FMN1: variants seen among roughly 807,000 people sequenced by gnomAD.
FMN1 encodes the protein formin 1.
A neutral mutation model predicts 132.4 loss-of-function variants in FMN1; 110 were observed. That is an observed-to-expected ratio of 0.83 (90% CI 0.71 to 0.97). FMN1 has a LOEUF of 0.97. Ranked by LOEUF, FMN1 falls within the 50% of genes least tolerant of loss-of-function variation. The pLI, the probability that FMN1 is intolerant of heterozygous loss-of-function variation, is 0.00. For synonymous variants in FMN1, 722 were observed against 651.7 expected (o/e 1.11, Z -1.64); for missense variants, 1,792 against 1,705.3 (o/e 1.05, Z -0.90).
intron 16 of FMN1, among the ~76,000 whole-genome samples, chr15:32,885,995 C>G (rs2059887460): frequency 6.6e-6 from 1 of 152,034 alleles, no homozygotes; most frequent in African/African-American, 2.4e-5. Context: ...AAATTATGTC[C>G]TCTTCAATTA....
At chr15:33,116,528 A>G (rs1232730629) in intron 4 of FMN1, among the ~76,000 whole-genome samples, 2 of 152,184 alleles carry the variant, frequency 1.3e-5, no homozygotes, top group African/African-American at 2.4e-5. Flanking sequence ...GGCTGATTCA[A>G]GAATCGTTCT....
At position 32,835,962 on chromosome 15, in the gene FMN1, G is replaced by A. The variant is rs1316626389; in HGVS notation, c.3928+21053C>T. On this transcript the variant is annotated intron_variant, in intron 17 of 20. Transcript: ENST00000616417. ...TGCAGCCTCAATCTTCTGGGCTCAA[G>A]TGTTCCTCCCACCTCAGCCTCTCTG... Among the ~76,000 whole-genome samples, 5 of 152,242 alleles carry A rather than the reference G, an allele frequency of 3.3e-5. No homozygotes were observed. The East Asian group carries it at 9.7e-4, about 29-fold the overall frequency.
chr15:33,042,643 G>A (rs1297645117), intron 6 of FMN1, among the ~76,000 whole-genome samples: 1 of 152,192 alleles, frequency 6.6e-6, no homozygotes, highest in East Asian at 1.9e-4. Flanking sequence ...GAGCAAGAGT[G>A]AAGGATTTAG....
At chr15:33,078,021 C>T (rs1342670457) in intron 5 of FMN1, among the ~76,000 whole-genome samples, 2 of 151,732 alleles carry the variant, frequency 1.3e-5, no homozygotes. Flanking sequence ...GAAATAGGAA[C>T]ACCAATTCTT....
chr15:32,924,002 T>C (rs887744610), intron 10 of FMN1, among the ~76,000 whole-genome samples: 4 of 152,200 alleles, frequency 2.6e-5, no homozygotes, highest in Admixed American at 6.5e-5. Flanking sequence ...CTTCAATAAC[T>C]GCTTCAAAAC....
chr15:33,052,385 CAGCATGGACACAACCATG>C (rs1277595645), intron 6 of FMN1, among the ~76,000 whole-genome samples: 1 of 152,212 alleles, frequency 6.6e-6, no homozygotes, highest in Non-Finnish European at 1.5e-5. Context: ...ATGCTGGGTT[CAGCATGGACACAACCATG>C]CAAATACACG....
intron 15 of FMN1, among the ~76,000 whole-genome samples, chr15:32,889,980 T>A (rs1362240559): frequency 2.6e-5 from 4 of 152,194 alleles, no homozygotes; most frequent in Admixed American, 1.3e-4. Context: ...TGCCTTTGCA[T>A]CCTCATAGCT....
At chr15:32,919,291 A>G (rs959939299) in intron 10 of FMN1, among the ~76,000 whole-genome samples, 2 of 152,224 alleles carry the variant, frequency 1.3e-5, no homozygotes, top group African/African-American at 4.8e-5. Flanking sequence ...CAATAGGAAA[A>G]TGGTAGAGCA....
At position 32,770,883 on chromosome 15, in the gene FMN1, C is replaced by A. The variant is rs2056213153; in HGVS notation, c.*3427G>T. On this transcript the variant is annotated 3_prime_UTR_variant, in exon 21 of 21. Transcript: ENST00000616417. ...CAGTGAGTGTGTAGAAAGACACCATCATCAACATAAGGATTCAAAAGGCAA... is the reference window on the plus strand; with the variant it reads ...CAGTGAGTGTGTAGAAAGACACCATAATCAACATAAGGATTCAAAAGGCAA... The A allele has an allele frequency of 6.6e-6, 1 of 152,008 alleles. No individual in the cohort carries two copies. 9.4% of individuals were successfully genotyped at this position (152,008 alleles called of 1,614,324 possible). A position where few individuals can be genotyped will look rare whatever the true frequency, so the allele number is the denominator to read the frequency against.
chr15:33,129,168 C>T (rs138121583), intron 4 of FMN1, among the ~76,000 whole-genome samples: 89 of 152,266 alleles, frequency 5.8e-4, no homozygotes, highest in African/African-American at 2.1e-3. Context: ...CAATGTAACT[C>T]GGAGAAAACA....
chr15:32,872,839 C>CA (rs1341445004), intron 16 of FMN1, among the ~76,000 whole-genome samples: 2 of 151,914 alleles, frequency 1.3e-5, no homozygotes, highest in Non-Finnish European at 2.9e-5. Context: ...GCTGGTTAGT[C>CA]ACATTAACTG....
chr15:33,027,963 C>G (rs1475445550), intron 6 of FMN1, among the ~76,000 whole-genome samples: 2 of 152,182 alleles, frequency 1.3e-5, no homozygotes, highest in African/African-American at 4.8e-5. Flanking sequence ...TTACTAGCAT[C>G]AAAATGAGAA....
At chr15:33,080,544 G>A (rs8033302) in intron 5 of FMN1, among the ~76,000 whole-genome samples, 45,319 of 152,018 alleles carry the variant, frequency 0.3, 7,510 homozygotes, top group Admixed American at 0.37. Context: ...CCTGACGTCA[G>A]GAGTTCAAGA....
chr15:33,183,564 A>G (rs1341083731), intron 2 of FMN1, among the ~76,000 whole-genome samples: 7 of 152,242 alleles, frequency 4.6e-5, no homozygotes, highest in Admixed American at 4.6e-4. Flanking sequence ...TCAGTGAATT[A>G]GTAATAATGG....
Position 33,154,332 on chromosome 15 carries a change from T to G in FMN1, c.583A>C (p.Lys195Gln), listed in dbSNP as rs1964580308. The change falls in exon 4 of 21, where the codon AAG becomes CAG. Residue 195 changes from lysine (K) to glutamine (Q), a missense_variant. Transcript: ENST00000616417. ...GGAAGGGAGTGGCTGGAACAGATCTTGTCCTTGCCCATCAGAGGAGCTGAT... is the reference window on the plus strand; with the variant it reads ...GGAAGGGAGTGGCTGGAACAGATCTGGTCCTTGCCCATCAGAGGAGCTGAT... ...RESAPLMGKD[K>Q]ICSSHSLPLS... 2.6e-6 allele frequency: 4 copies of G among 1,536,176 alleles called. No individual in the cohort carries two copies. Among genetic ancestry groups the G allele is most frequent in the Non-Finnish European group, 3.5e-6 (4 of 1,146,926 alleles).
intron 16 of FMN1, among the ~76,000 whole-genome samples, chr15:32,866,235 AAG>A (rs200525503): frequency 0.032 from 4,301 of 135,286 alleles, 176 homozygotes; most frequent in African/African-American, 0.1. Flanking sequence ...AATAAAAAAA[AAG>A]AAAAAAGAAA....
chr15:32,905,627 G>A (rs1384806687), intron 12 of FMN1, among the ~76,000 whole-genome samples: 5 of 152,212 alleles, frequency 3.3e-5, no homozygotes, highest in Non-Finnish European at 7.4e-5. Flanking sequence ...TGGCACTGGA[G>A]TGTAAGAGAG....
At chr15:32,916,768 G>A (rs1441363024) in intron 10 of FMN1, among the ~76,000 whole-genome samples, 1 of 152,154 alleles carries the variant, frequency 6.6e-6, no homozygotes, top group African/African-American at 2.4e-5. Flanking sequence ...TCTATTAGCA[G>A]AAATTATTTT....
chr15:32,920,584 A>G (rs2060797049), intron 10 of FMN1, among the ~76,000 whole-genome samples: 1 of 152,182 alleles, frequency 6.6e-6, no homozygotes, highest in East Asian at 1.9e-4. Context: ...ACAAAGGTAG[A>G]TTTTTAGATG....
Sources: allele counts gnomAD v4.1 joint callset (sites outside exome capture counted in the v4.1 genomes callset), GRCh38; gene constraint gnomAD v4.1.1; transcripts MANE v1.5; gene names NCBI Gene and HGNC (gene_info 2026-07-23, HGNC 2026-07-21).